CCDC102B: variants seen among roughly 807,000 people sequenced by gnomAD.
CCDC102B encodes coiled-coil domain-containing protein 102B.
CCDC102B carries 75 observed loss-of-function variants against 57.4 expected under a neutral mutation model. The observed-to-expected ratio is 1.31, with a 90% CI of 1.08 to 1.58. The LOEUF is 1.58. CCDC102B is among the 40% of genes most tolerant of loss of function. The pLI is 0.00. For missense variants in CCDC102B, 636 were observed against 582.6 expected (o/e 1.09, Z -0.94); for synonymous variants, 206 against 201.9 (o/e 1.02, Z -0.17).
intron 5 of CCDC102B, among the ~76,000 whole-genome samples, chr18:68,888,037 G>C (rs2039949001): frequency 6.6e-6 from 1 of 152,126 alleles, no homozygotes; most frequent in Non-Finnish European, 1.5e-5. Context: ...CAGGTATCAT[G>C]ATGAATGTCA....
At chr18:68,834,451 A>ATATATATATATATATATATATATATG (rs2037278217) in intron 1 of CCDC102B, among the ~76,000 whole-genome samples, 1 of 147,524 alleles carries the variant, frequency 6.8e-6, no homozygotes, top group African/African-American at 2.5e-5. Flanking sequence ...ATATATATAT[A>ATATATATATATATATATATATATATG]TATTTGCTGT....
rs1007343574 is a variant in CCDC102B at position 68,956,187 on chromosome 18, T to C, written c.1264-54747T>C. ...ATAGTAGTCCATTGTGTACCACATTTTCTTTGTCTGTTTATGTCCATCTGT... is the reference window on the plus strand; with the variant it reads ...ATAGTAGTCCATTGTGTACCACATTCTCTTTGTCTGTTTATGTCCATCTGT... On this transcript the variant is annotated intron_variant, in intron 6 of 7. Transcript: ENST00000360242. 3.3e-5 allele frequency among the ~76,000 whole-genome samples: 5 copies of C among 150,776 alleles called. No homozygotes were observed. The Admixed American group carries it at 3.3e-4, about 10-fold the overall frequency.
At chr18:69,041,645 A>G (rs3862697) in intron 7 of CCDC102B, among the ~76,000 whole-genome samples, 125,216 of 151,972 alleles carry the variant, frequency 0.82, 53,795 homozygotes, top group Non-Finnish European at 0.95. Context: ...TTCAGCTTAC[A>G]TATCTTTATT....
chr18:68,962,516 G>C (rs2050070555), intron 6 of CCDC102B, among the ~76,000 whole-genome samples: 1 of 151,884 alleles, frequency 6.6e-6, no homozygotes, highest in Non-Finnish European at 1.5e-5. Flanking sequence ...AAATATTGAA[G>C]TTTTGACTGA....
chr18:68,805,962 T>A (rs1464261810), intron 1 of CCDC102B, among the ~76,000 whole-genome samples: 6 of 152,152 alleles, frequency 3.9e-5, no homozygotes, highest in African/African-American at 1.4e-4. Flanking sequence ...ATGTAACATT[T>A]TGATCAGTCC....
At chr18:68,933,094 T>TCA (rs201722819) in intron 6 of CCDC102B, among the ~76,000 whole-genome samples, 88 of 122,002 alleles carry the variant, frequency 7.2e-4, no homozygotes, top group African/African-American at 2.4e-3. Context: ...TATTTACTCC[T>TCA]CATAAAAAAA....
At position 68,839,151 on chromosome 18, in the gene CCDC102B, C is replaced by G; in HGVS notation, c.827+225C>G. 3 of 557,924 alleles carry G rather than the reference C, an allele frequency of 5.4e-6. No homozygotes were observed. The South Asian group carries it at 6.3e-5, about 12-fold the overall frequency. The allele number at this position is 557,924 out of a possible 1,614,324, so 34.6% of individuals were successfully genotyped here. A position where few individuals can be genotyped will look rare whatever the true frequency, so the allele number is the denominator to read the frequency against. ...TCTTTTAAGTTGACTTTTATCATGA[C>G]TATGTTTTTATCTTCTCTGGTAGAT... On this transcript the variant is annotated intron_variant, in intron 3 of 7. Transcript: ENST00000360242.
At chr18:68,853,313 T>C (rs910985715) in intron 4 of CCDC102B, among the ~76,000 whole-genome samples, 4 of 150,906 alleles carry the variant, frequency 2.7e-5, no homozygotes, top group African/African-American at 9.7e-5. Flanking sequence ...CTTCAAAGAG[T>C]GAATATTCCA....
intron 6 of CCDC102B, among the ~76,000 whole-genome samples, chr18:69,001,501 A>T (rs970508101): frequency 6.6e-6 from 1 of 152,156 alleles, no homozygotes; most frequent in Non-Finnish European, 1.5e-5. Flanking sequence ...GGAAAAAAAA[A>T]AAAAGAATCA....
intron 7 of CCDC102B, among the ~76,000 whole-genome samples, chr18:69,037,026 T>TAC (rs1339493726): frequency 3.6e-5 from 2 of 56,268 alleles, no homozygotes; most frequent in African/African-American, 1.2e-4. Flanking sequence ...GGGGTGTATA[T>TAC]ATACACACAC....
chr18:69,012,899 A>T (rs1433802473), intron 7 of CCDC102B, among the ~76,000 whole-genome samples: 1 of 152,180 alleles, frequency 6.6e-6, no homozygotes, highest in Non-Finnish European at 1.5e-5. Context: ...TTAAAAACCC[A>T]AATATTAAAA....
At chr18:68,759,701 T>C (rs1293727350) in intron 2 of CCDC102B, among the ~76,000 whole-genome samples, 1 of 152,108 alleles carries the variant, frequency 6.6e-6, no homozygotes, top group Admixed American at 6.6e-5. Context: ...CTATCGAATG[T>C]AGATTTTTGC....
At chr18:68,896,706 A>G (rs893308802) in intron 5 of CCDC102B, among the ~76,000 whole-genome samples, 8 of 151,930 alleles carry the variant, frequency 5.3e-5, no homozygotes, top group African/African-American at 1.9e-4. Flanking sequence ...TATTTTTTCA[A>G]TATAAAATTA....
chr18:69,018,736 TC>T (rs201683311), intron 7 of CCDC102B, among the ~76,000 whole-genome samples: 9 of 152,146 alleles, frequency 5.9e-5, no homozygotes, highest in African/African-American at 2.2e-4. Flanking sequence ...CTTTTCATTT[TC>T]TTTTTCTGTA....
intron 2 of CCDC102B, among the ~76,000 whole-genome samples, chr18:68,746,531 A>G (rs1179689032): frequency 1.3e-5 from 2 of 152,156 alleles, no homozygotes; most frequent in African/African-American, 4.8e-5. Flanking sequence ...GAACAGCGAA[A>G]TGATGGCTTC....
intron 6 of CCDC102B, among the ~76,000 whole-genome samples, chr18:68,975,704 G>T (rs979752546): frequency 1.3e-5 from 2 of 151,930 alleles, no homozygotes; most frequent in Non-Finnish European, 2.9e-5. Context: ...TACCATCATT[G>T]TTACCTAATG....
chr18:69,034,145 C>T (rs1440661578), intron 7 of CCDC102B, among the ~76,000 whole-genome samples: 3 of 151,796 alleles, frequency 2.0e-5, no homozygotes, highest in African/African-American at 7.3e-5. Context: ...TATTTCTCTC[C>T]TTCTGTGGAT....
intron 7 of CCDC102B, among the ~76,000 whole-genome samples, chr18:69,028,495 T>G (rs1228533291): frequency 2.0e-5 from 3 of 152,120 alleles, no homozygotes; most frequent in Non-Finnish European, 2.9e-5. Flanking sequence ...GGAAGGACAG[T>G]GGTATGTCTG....
chr18:68,932,660 T>A (rs745414375), intron 6 of CCDC102B, among the ~76,000 whole-genome samples: 20 of 152,076 alleles, frequency 1.3e-4, no homozygotes, highest in Non-Finnish European at 2.5e-4. Context: ...ATATTTGAGG[T>A]AATAGGATTT....
Sources: allele counts gnomAD v4.1 joint callset (sites outside exome capture counted in the v4.1 genomes callset), GRCh38; gene constraint gnomAD v4.1.1; transcripts MANE v1.5; gene names NCBI Gene and HGNC (gene_info 2026-07-23, HGNC 2026-07-21).